Variants in SYN2 observed in about 807,000 individuals in gnomAD.
SYN2 encodes synapsin II, also known as synapsin-2.
In SYN2, 19 loss-of-function variants were observed where a neutral mutation model predicts 50.9. That is an observed-to-expected ratio of 0.37 (90% confidence interval 0.26 to 0.55). The LOEUF (loss-of-function observed/expected upper bound fraction) is 0.55, where lower values mean the gene tolerates loss of function less well. Ranked by LOEUF, SYN2 falls within the 20% of genes least tolerant of loss-of-function variation. The probability of loss-of-function intolerance (pLI) is 0.81; values close to 1 mark genes in which losing one functional copy is unlikely to be tolerated. For synonymous variants in SYN2, 255 were observed against 224.9 expected, an observed-to-expected ratio of 1.13 and a Z score of -1.20; for missense variants, 587 against 576.4, an observed-to-expected ratio of 1.02 and a Z score of -0.19.
At chr3:12,035,287 G>T (rs1694474226) in intron 1 of SYN2, among the ~76,000 whole-genome samples, 1 of 152,224 alleles carries the variant, frequency 6.6e-6, no homozygotes, top group South Asian at 2.1e-4. Flanking sequence ...CTCAGTCCAT[G>T]CAGCAGCTCT....
At chr3:12,050,776 C>G (rs1470111235) in intron 1 of SYN2, among the ~76,000 whole-genome samples, 1 of 124,068 alleles carries the variant, frequency 8.1e-6, no homozygotes, top group Admixed American at 1.0e-4. Context: ...TCGCCCAGGC[C>G]GGACTGTGGA....
At chr3:12,083,016 C>T (rs998180937) in intron 1 of SYN2, among the ~76,000 whole-genome samples, 1 of 152,030 alleles carries the variant, frequency 6.6e-6, no homozygotes. Flanking sequence ...CATTCTTCTT[C>T]TTATTTTTTC....
intron 1 of SYN2, among the ~76,000 whole-genome samples, chr3:12,025,669 A>T (rs1321759511): frequency 2.0e-5 from 3 of 151,844 alleles, no homozygotes; most frequent in African/African-American, 2.4e-5. Context: ...GTTTTGGTGG[A>T]TGGGGGGGCT....
chr3:12,108,275 CT>C (rs565525952), intron 1 of SYN2, among the ~76,000 whole-genome samples: 2 of 152,172 alleles, frequency 1.3e-5, no homozygotes, highest in Non-Finnish European at 2.9e-5. Flanking sequence ...TTAGAAGTAG[CT>C]TATGACAATT....
At position 12,051,532 on chromosome 3, in the gene SYN2, A is replaced by G. The variant is rs114351588; in HGVS notation, c.377+46604A>G. On this transcript the variant is annotated intron_variant, in intron 1 of 12. Transcript: ENST00000621198. The stretch of plus-strand genomic sequence containing the variant: ...TGCCCCTGAAGTTTTTATTTCTTTT[A>G]GTACATATGAATCCTCAAATGTAAG... 4.5e-3 allele frequency among the ~76,000 whole-genome samples: 680 copies of G among 152,272 alleles called. 6 individuals are homozygous for G. Among genetic ancestry groups the G allele is most frequent in the African/African-American group, 0.016 (651 of 41,550 alleles).
intron 1 of SYN2, among the ~76,000 whole-genome samples, chr3:12,026,459 A>G (rs754786394): frequency 6.6e-5 from 10 of 152,142 alleles, no homozygotes; most frequent in Non-Finnish European, 1.3e-4. Flanking sequence ...CTATGAGAAA[A>G]TAGAAGGGGC....
intron 1 of SYN2, among the ~76,000 whole-genome samples, chr3:12,073,399 T>C (rs1695404763): frequency 6.6e-6 from 1 of 152,110 alleles, no homozygotes; most frequent in South Asian, 2.1e-4. Context: ...CTTTTGGAGG[T>C]TCCATGGTAT....
In SYN2 at chr3:12,141,965, C is replaced by G. The variant is rs1697028751; in HGVS notation, c.496C>G (p.Gln166Glu). Residue 166 changes from glutamine to glutamate, a missense_variant, in exon 3 of 13, where the codon CAG becomes GAG. Transcript: ENST00000621198. The part of the protein sequence containing the change: ...HADGTYAVDM[Q>E]VLRNGTKVVR... ...AGATGGCACCTATGCTGTGGATATG[C>G]AGGTTCTCCGGAATGGCACAAAGGT... is the stretch of plus-strand genomic sequence containing the variant. 1.3e-6 allele frequency: 1 copy of G among 780,704 alleles called. No individual in the cohort carries two copies. Among genetic ancestry groups the G allele is most frequent in the Non-Finnish European group, 2.4e-6 (1 of 417,958 alleles). The allele number at this position is 780,704 out of a possible 1,614,324, so 48.4% of individuals were successfully genotyped here.
intron 1 of SYN2, among the ~76,000 whole-genome samples, chr3:12,093,431 G>A (rs1198570697): frequency 1.3e-5 from 2 of 152,128 alleles, no homozygotes; most frequent in Non-Finnish European, 2.9e-5. Flanking sequence ...AAGTACTCCC[G>A]GGCATGTGAG....
intron 1 of SYN2, among the ~76,000 whole-genome samples, chr3:12,126,063 G>C (rs1280376610): frequency 6.6e-6 from 1 of 152,190 alleles, no homozygotes; most frequent in Non-Finnish European, 1.5e-5. Context: ...CACATAAGGG[G>C]AAAGCTACTC....
At chr3:12,025,105 A>G (rs751785503) in intron 1 of SYN2, among the ~76,000 whole-genome samples, 1 of 152,150 alleles carries the variant, frequency 6.6e-6, no homozygotes, top group Non-Finnish European at 1.5e-5. Context: ...CTATGCCCCT[A>G]CATGGTGAAG....
At chr3:12,050,857 T>C (rs1694845892) in intron 1 of SYN2, among the ~76,000 whole-genome samples, 1 of 150,126 alleles carries the variant, frequency 6.7e-6, no homozygotes, top group South Asian at 2.1e-4. Context: ...TGCCTCAGCC[T>C]CCCGAGTAGC....
chr3:12,159,894 TTAGC>T (rs1329939614), intron 5 of SYN2, among the ~76,000 whole-genome samples: 1 of 151,378 alleles, frequency 6.6e-6, no homozygotes, highest in Non-Finnish European at 1.5e-5. Context: ...AATACAAAAG[TTAGC>T]CGGGCGTGGT....
chr3:12,153,565 G>A lies in SYN2; in HGVS notation c.774+2239G>A, dbSNP rs144326666. The A allele has an allele frequency of 3.7e-5, 59 of 1,613,904 alleles. No homozygotes were observed. The African/African-American group carries it at 4.7e-4, about 13-fold the overall frequency. On this transcript the variant is annotated intron_variant, in intron 5 of 12. Transcript: ENST00000621198. ...TCCTTCCTGAGAGGCAGGTGGCCCC[G>A]GTACCAGCTGCAGGTGCCGTCAACA... is the stretch of plus-strand genomic sequence containing the variant.
chr3:12,069,120 C>T (rs1695283494), intron 1 of SYN2, among the ~76,000 whole-genome samples: 4 of 152,236 alleles, frequency 2.6e-5, no homozygotes, highest in Admixed American at 2.0e-4. Flanking sequence ...TTATTGCTGA[C>T]TGACATTCCG....
intron 1 of SYN2, among the ~76,000 whole-genome samples, chr3:12,098,743 CTT>C (rs1335498080): frequency 6.6e-6 from 1 of 151,206 alleles, no homozygotes. Context: ...AGATTAAACA[CTT>C]AAAAAACAGA....
intron 1 of SYN2, among the ~76,000 whole-genome samples, chr3:12,038,534 C>T (rs1317939255): frequency 1.3e-5 from 2 of 152,108 alleles, no homozygotes; most frequent in Non-Finnish European, 2.9e-5. Flanking sequence ...TTAAATATTA[C>T]AATCCATGAA....
intron 1 of SYN2, among the ~76,000 whole-genome samples, chr3:12,067,073 C>A (rs1695231360): frequency 1.3e-5 from 2 of 152,092 alleles, no homozygotes; most frequent in African/African-American, 4.8e-5. Context: ...CCCCATGATG[C>A]AAGTACCTTT....
intron 1 of SYN2, among the ~76,000 whole-genome samples, chr3:12,121,878 C>A (rs1189322851): frequency 6.6e-6 from 1 of 152,162 alleles, no homozygotes; most frequent in East Asian, 1.9e-4. Flanking sequence ...AGAGCTGATA[C>A]TGCAGACTTG....
Sources: gnomAD v4.1 joint callset for allele counts (sites outside exome capture counted in the v4.1 genomes callset) on GRCh38, gnomAD v4.1.1 for gene constraint, MANE v1.5 for transcripts, NCBI Gene and HGNC (gene_info 2026-07-23, HGNC 2026-07-21) for gene names.